The following PRKN variants were observed in gnomAD, a reference collection of about 807,000 sequenced individuals.
PRKN encodes parkin RBR E3 ubiquitin protein ligase.
A neutral mutation model predicts 59.5 loss-of-function variants in PRKN; 56 were observed. The observed-to-expected ratio is 0.94, with a 90% confidence interval of 0.76 to 1.18. The LOEUF (loss-of-function observed/expected upper bound fraction) is 1.18. Among genes scored for constraint, PRKN ranks in the 50% most tolerant of loss-of-function variants. The pLI, the probability that PRKN is intolerant of heterozygous loss-of-function variation, is 0.00. For missense variants in PRKN, 657 were observed against 596.4 expected (o/e 1.10, Z -1.06); for synonymous variants, 250 against 222.1 (o/e 1.13, Z -1.12).
chr6:162,256,765 C>T (rs1779654183), intron 3 of PRKN, among the ~76,000 whole-genome samples: 1 of 152,216 alleles, frequency 6.6e-6, no homozygotes, highest in South Asian at 2.1e-4. Context: ...TAGAAGAGCA[C>T]ACTGTCCAGC....
chr6:162,432,573 C>A (rs1235335425), intron 2 of PRKN, among the ~76,000 whole-genome samples: 1 of 152,092 alleles, frequency 6.6e-6, no homozygotes, highest in Non-Finnish European at 1.5e-5. Context: ...AAAATAAATA[C>A]AAACACAAAA....
chr6:161,431,944 C>T (rs778648511), intron 9 of PRKN, among the ~76,000 whole-genome samples: 32 of 152,278 alleles, frequency 2.1e-4, no homozygotes, highest in African/African-American at 6.7e-4. Context: ...GCTATATCTA[C>T]GTTTAAGCTT....
chr6:162,725,773 A>AG (rs1195004870), intron 1 of PRKN, among the ~76,000 whole-genome samples: 8 of 51,984 alleles, frequency 1.5e-4, no homozygotes. Flanking sequence ...AAAAAGAGGA[A>AG]AAAAAAAAAA....
chr6:162,506,764 C>A (rs1254445163), intron 1 of PRKN, among the ~76,000 whole-genome samples: 1 of 152,066 alleles, frequency 6.6e-6, no homozygotes, highest in African/African-American at 2.4e-5. Context: ...GTTCAAGGAG[C>A]AAATAGCTCC....
At chr6:162,566,449 C>T (rs1423116736) in intron 1 of PRKN, among the ~76,000 whole-genome samples, 1 of 151,870 alleles carries the variant, frequency 6.6e-6, no homozygotes, top group Non-Finnish European at 1.5e-5. Flanking sequence ...AAAAACGAAA[C>T]ATTGCAACTG....
At chr6:162,191,019 A>C (rs1485220249) in intron 4 of PRKN, among the ~76,000 whole-genome samples, 1 of 152,224 alleles carries the variant, frequency 6.6e-6, no homozygotes, top group Non-Finnish European at 1.5e-5. Context: ...GTAGCATTTC[A>C]CACACAAAAA....
intron 3 of PRKN, among the ~76,000 whole-genome samples, chr6:162,219,499 T>A (rs1583217129): frequency 1.3e-5 from 2 of 152,102 alleles, no homozygotes; most frequent in African/African-American, 4.8e-5. Context: ...CTGCCAGAGA[T>A]GATTTTTATT....
rs866765264 is a variant in PRKN, at chr6:161,475,535, G to T, written c.1083+73319C>A. Among the ~76,000 whole-genome samples, 15 of 152,196 alleles carry T rather than the reference G, an allele frequency of 9.9e-5. No individual in the cohort carries two copies. Among genetic ancestry groups the T allele is most frequent in the Middle Eastern group, 3.4e-3 (1 of 294 alleles). ...ACATATATTTTTGAGACGAGGTCTC[G>T]CTCTGTGGCCCAGGCTGGAGTGCCG... On this transcript the variant is annotated intron_variant, in intron 9 of 11. Coordinates refer to ENST00000366898, the MANE Select transcript of PRKN (RefSeq NM_004562.3). This position sits in a 1 kb window ranked among gnomAD's most constrained non-coding sequence, Gnocchi z 5.3.
chr6:162,277,246 G>C (rs1244083864), intron 2 of PRKN, among the ~76,000 whole-genome samples: 1 of 152,172 alleles, frequency 6.6e-6, no homozygotes, highest in Non-Finnish European at 1.5e-5. Flanking sequence ...AATTTCAAAA[G>C]AGGAGGGTTA....
Position 161,575,395 on chromosome 6 carries a change from CA to C in PRKN, c.872-5980del, listed in dbSNP as rs1187109324. ...GTCACTGACAGCTACTGAGAAAAAG[CA>C]ACCCCAAACAAAACAAAACAAAACA... On this transcript the variant is annotated intron_variant, in intron 7 of 11. Transcript: ENST00000366898. This position sits in a 1 kb window ranked among gnomAD's most constrained non-coding sequence, Gnocchi z 4.6. Among the ~76,000 whole-genome samples, 1 of 152,202 alleles carries C rather than the reference CA, an allele frequency of 6.6e-6. No homozygotes were observed.
Position 161,378,966 on chromosome 6 carries a change from A to G in PRKN, c.1167+7828T>C, listed in dbSNP as rs1048056964. On this transcript the variant is annotated intron_variant, in intron 10 of 11. Transcript: ENST00000366898. The surrounding 1 kb of genome is among the most constrained non-coding windows in gnomAD (Gnocchi z 7.3). ...TATAGGGGCCCTGGCTTCCAGCAAG[A>G]GAGTACTTTTGCCAGAGAACACAGC... 1.3e-5 allele frequency among the ~76,000 whole-genome samples: 2 copies of G among 152,164 alleles called. No homozygotes were observed. Among genetic ancestry groups the G allele is most frequent in the African/African-American group, 4.8e-5 (2 of 41,426 alleles).
At chr6:161,689,235 A>C (rs1335585915) in intron 7 of PRKN, among the ~76,000 whole-genome samples, 5 of 130,754 alleles carry the variant, frequency 3.8e-5, no homozygotes, top group African/African-American at 1.1e-4. Context: ...CACACACACA[A>C]AGTGAACCCA....
chr6:161,999,131 G>A lies in PRKN; in HGVS notation c.619-25714C>T, dbSNP rs577718370. On this transcript the variant is annotated intron_variant, in intron 5 of 11. Coordinates refer to ENST00000366898, the MANE Select transcript of PRKN (RefSeq NM_004562.3). The stretch of plus-strand genomic sequence containing the variant: ...TACACAGCTTGCCTCCACCACAAGC[G>A]ATTCTCCTATAAACCCCTCTTCACA... Among the ~76,000 whole-genome samples the A allele has an allele frequency of 4.6e-5, 7 of 152,174 alleles. No homozygotes were observed. In the South Asian group the frequency reaches 1.2e-3, roughly 27 times the overall value.
At chr6:162,592,696 G>C (rs751295765) in intron 1 of PRKN, among the ~76,000 whole-genome samples, 6 of 152,058 alleles carry the variant, frequency 3.9e-5, no homozygotes, top group Middle Eastern at 3.2e-3. Context: ...AACCAAGTAG[G>C]TACCCTAGTT....
At chr6:161,596,749 AG>A (rs1208621433) in intron 7 of PRKN, among the ~76,000 whole-genome samples, 1 of 152,190 alleles carries the variant, frequency 6.6e-6, no homozygotes, top group Non-Finnish European at 1.5e-5. Context: ...AGTGCCCATT[AG>A]TTATAACAAT....
In PRKN at chr6:161,352,310, G is replaced by A. The variant is rs988442185; in HGVS notation, c.1286-2099C>T. 2.0e-5 allele frequency among the ~76,000 whole-genome samples: 3 copies of A among 152,066 alleles called. No homozygotes were observed. Among genetic ancestry groups the A allele is most frequent in the Admixed American group, 6.6e-5 (1 of 15,262 alleles). ...GGCATTTGTTTTAAGATAACTTGCCGACATGCAAAATCTCCTGTTTTCCTA... is the reference window on the plus strand; with the variant it reads ...GGCATTTGTTTTAAGATAACTTGCCAACATGCAAAATCTCCTGTTTTCCTA... On this transcript the variant is annotated intron_variant, in intron 11 of 11. Transcript: ENST00000366898. The surrounding 1 kb of genome is among the most constrained non-coding windows in gnomAD (Gnocchi z 5.8).
intron 4 of PRKN, among the ~76,000 whole-genome samples, chr6:162,100,697 C>T (rs1779931305): frequency 6.6e-6 from 1 of 152,168 alleles, no homozygotes; most frequent in African/African-American, 2.4e-5. Flanking sequence ...CCCCTTCAGC[C>T]TCCCAAAGTG....
chr6:162,668,577 A>C (rs919507206), intron 1 of PRKN, among the ~76,000 whole-genome samples: 1 of 152,094 alleles, frequency 6.6e-6, no homozygotes, highest in South Asian at 2.1e-4. Context: ...AGGGAGCACC[A>C]TAAGTGGCTG....
intron 1 of PRKN, among the ~76,000 whole-genome samples, chr6:162,637,103 A>G (rs1173901028): frequency 6.6e-6 from 1 of 151,998 alleles, no homozygotes; most frequent in Non-Finnish European, 1.5e-5. Context: ...AAAAAATAAA[A>G]AAAAATAGCC....
Sources: allele counts gnomAD v4.1 joint callset (sites outside exome capture counted in the v4.1 genomes callset), GRCh38; gene constraint gnomAD v4.1.1; non-coding constraint Gnocchi (gnomAD v3.1); transcripts MANE v1.5; gene names NCBI Gene and HGNC (gene_info 2026-07-23, HGNC 2026-07-21).